Variants in PDE10A observed in about 807,000 individuals in gnomAD.
PDE10A encodes phosphodiesterase 10A, also known as cAMP and cAMP-inhibited cGMP 3',5'-cyclic phosphodiesterase 10A.
Under a neutral mutation model 97.7 loss-of-function variants are expected in PDE10A, and 39 were observed. The observed-to-expected ratio is 0.40, with a 90% CI of 0.31 to 0.52. The LOEUF (loss-of-function observed/expected upper bound fraction) is 0.52, where lower values mean the gene tolerates loss of function less well. Ranked by LOEUF, PDE10A falls within the 20% of genes least tolerant of loss-of-function variation. The pLI, the probability that PDE10A is intolerant of heterozygous loss-of-function variation, is 0.56. For synonymous variants in PDE10A, 371 were observed against 376.8 expected (o/e 0.98, Z 0.18); for missense variants, 731 against 1,047.8 (o/e 0.70, Z 4.17).
At chr6:165,555,840 T>C (rs1784224218) in intron 1 of PDE10A, among the ~76,000 whole-genome samples, 2 of 152,110 alleles carry the variant, frequency 1.3e-5, no homozygotes. Context: ...CCAGCCAATT[T>C]GCTACAAGGA....
intron 1 of PDE10A, among the ~76,000 whole-genome samples, chr6:165,953,329 G>A (rs961485418): frequency 6.6e-6 from 1 of 152,126 alleles, no homozygotes; most frequent in Non-Finnish European, 1.5e-5. Context: ...AGTGGCTCAC[G>A]CCTGTAATCC....
intron 1 of PDE10A, among the ~76,000 whole-genome samples, chr6:165,909,246 G>A (rs550513780): frequency 2.8e-4 from 42 of 152,312 alleles, no homozygotes; most frequent in African/African-American, 9.6e-4. Context: ...CCCTGGCTGG[G>A]GCTGTGCCAC....
intron 1 of PDE10A, among the ~76,000 whole-genome samples, chr6:165,974,985 G>A (rs942994112): frequency 6.6e-6 from 1 of 152,174 alleles, no homozygotes; most frequent in Non-Finnish European, 1.5e-5. Flanking sequence ...ATTCTTTCCT[G>A]GCTGCGCAGG....
chr6:165,559,761 T>A (rs1162415973), intron 1 of PDE10A, among the ~76,000 whole-genome samples: 4 of 152,186 alleles, frequency 2.6e-5, no homozygotes, highest in Non-Finnish European at 5.9e-5. Context: ...GATAACTGAA[T>A]CTTGGGGCCA....
intron 1 of PDE10A, among the ~76,000 whole-genome samples, chr6:165,841,553 C>G (rs1289122364): frequency 1.3e-5 from 2 of 152,232 alleles, no homozygotes; most frequent in Non-Finnish European, 2.9e-5. Flanking sequence ...TGCTTGCTCT[C>G]TCAACAGTTA....
chr6:165,904,237 A>G (rs976492151), intron 1 of PDE10A, among the ~76,000 whole-genome samples: 2 of 152,072 alleles, frequency 1.3e-5, no homozygotes, highest in African/African-American at 4.8e-5. Flanking sequence ...GAGAGAGGGG[A>G]CGGAATCCGA....
intron 3 of PDE10A, among the ~76,000 whole-genome samples, chr6:165,469,834 C>G (rs1480635579): frequency 2.6e-5 from 4 of 152,148 alleles, no homozygotes; most frequent in African/African-American, 9.7e-5. Flanking sequence ...TGCCTGCACT[C>G]CAGGTATTTG....
At chr6:165,766,063 G>A (rs1272695491) in intron 1 of PDE10A, among the ~76,000 whole-genome samples, 2 of 152,140 alleles carry the variant, frequency 1.3e-5, no homozygotes, top group African/African-American at 2.4e-5. Flanking sequence ...ACAGCACAGC[G>A]AAGGCCTCTT....
At chr6:165,539,151 C>T (rs1308224387) in intron 2 of PDE10A, among the ~76,000 whole-genome samples, 1 of 152,118 alleles carries the variant, frequency 6.6e-6, no homozygotes, top group East Asian at 1.9e-4. Context: ...AATGCAATCT[C>T]TAATTTCCAT....
chr6:165,922,307 G>A (rs542383431), intron 1 of PDE10A, among the ~76,000 whole-genome samples: 5 of 152,226 alleles, frequency 3.3e-5, no homozygotes, highest in East Asian at 1.9e-4. Context: ...ACCACTTGGC[G>A]GCACACAGAG....
chr6:165,765,142 C>A (rs567040611), intron 1 of PDE10A, among the ~76,000 whole-genome samples: 1 of 152,196 alleles, frequency 6.6e-6, no homozygotes, highest in East Asian at 1.9e-4. Context: ...TACAGAGTGC[C>A]GCTTGGTGTA....
intron 3 of PDE10A, among the ~76,000 whole-genome samples, chr6:165,466,917 G>A (rs945838513): frequency 6.6e-6 from 1 of 152,178 alleles, no homozygotes; most frequent in Admixed American, 6.5e-5. Context: ...TCTTGCTCCA[G>A]TTAGTGAAGT....
chr6:165,742,406 C>G lies in PDE10A; in HGVS notation c.-614-198838G>C, dbSNP rs770960869. ...CACTGCTATGTACCCCATTTCATGA[C>G]TGAAGAATGAAGCACAAAGCTGAGC... On this transcript the variant is annotated intron_variant, in intron 1 of 19. Transcript: ENST00000366882. Among the ~76,000 whole-genome samples, 76 of 152,114 alleles carry G rather than the reference C, an allele frequency of 5.0e-4. 1 individual carries two copies. Among genetic ancestry groups the G allele is most frequent in the Non-Finnish European group, 9.7e-4 (66 of 68,024 alleles).
At chr6:165,723,849 GT>G (rs11387714) in intron 1 of PDE10A, among the ~76,000 whole-genome samples, 16 of 149,382 alleles carry the variant, frequency 1.1e-4, no homozygotes, top group African/African-American at 1.7e-4. Context: ...AGATAAAGGT[GT>G]TTTTTTTTTT....
At chr6:165,905,610 G>A (rs1782238809) in intron 1 of PDE10A, among the ~76,000 whole-genome samples, 1 of 151,446 alleles carries the variant, frequency 6.6e-6, no homozygotes, top group African/African-American at 2.4e-5. Flanking sequence ...CATTTACATG[G>A]TAATTTAAAA....
intron 1 of PDE10A, among the ~76,000 whole-genome samples, chr6:165,922,979 A>G (rs1782798354): frequency 6.6e-6 from 1 of 152,214 alleles, no homozygotes; most frequent in South Asian, 2.1e-4. Flanking sequence ...CCAAGCCCTG[A>G]GATTAAAGTA....
intron 2 of PDE10A, among the ~76,000 whole-genome samples, chr6:165,530,471 A>C (rs1312689767): frequency 6.6e-6 from 1 of 152,080 alleles, no homozygotes; most frequent in Non-Finnish European, 1.5e-5. Context: ...AAAGTGGGCA[A>C]ATGACATGAA....
chr6:165,893,524 C>T (rs2323036), intron 1 of PDE10A, among the ~76,000 whole-genome samples: 70,604 of 151,978 alleles, frequency 0.46, 16,638 homozygotes, highest in East Asian at 0.66. Flanking sequence ...ATTAATTTGA[C>T]GGAGGAAACA....
intron 1 of PDE10A, among the ~76,000 whole-genome samples, chr6:165,890,293 C>G (rs1781756256): frequency 6.6e-6 from 1 of 152,092 alleles, no homozygotes; most frequent in African/African-American, 2.4e-5. Context: ...ACTGGAAAGA[C>G]CACACCGCGG....
Sources: gnomAD v4.1 joint callset for allele counts (sites outside exome capture counted in the v4.1 genomes callset) on GRCh38, gnomAD v4.1.1 for gene constraint, MANE v1.5 for transcripts, NCBI Gene and HGNC (gene_info 2026-07-23, HGNC 2026-07-21) for gene names.